Variants in GALNT17 observed in about 807,000 individuals in gnomAD.
The protein encoded by GALNT17 is UDP-GalNAc:polypeptide N-acetylgalactosaminyltransferase-like 3.
Under a neutral mutation model 63.7 loss-of-function variants are expected in GALNT17, and 29 were observed. The ratio of observed to expected loss-of-function variants is 0.46; its 90% CI spans 0.34 to 0.62. The LOEUF is 0.62. Ranked by LOEUF, GALNT17 falls within the 20% of genes least tolerant of loss-of-function variation. GALNT17 has a pLI of 0.01. For synonymous variants in GALNT17, 305 were observed against 318.3 expected (o/e 0.96, Z 0.45); for missense variants, 603 against 799.6 (o/e 0.75, Z 2.97).
chr7:71,669,129 C>T (rs34834506), intron 7 of GALNT17, among the ~76,000 whole-genome samples: 4,820 of 152,250 alleles, frequency 0.032, 82 homozygotes, highest in Middle Eastern at 0.065. Context: ...GATGGTTGAC[C>T]TGTCTGGGAC....
At chr7:71,200,250 C>T (rs1789141535) in intron 1 of GALNT17, among the ~76,000 whole-genome samples, 1 of 152,134 alleles carries the variant, frequency 6.6e-6, no homozygotes, top group African/African-American at 2.4e-5. Flanking sequence ...ATCAGTAAGT[C>T]TGGCCCGTGG....
chr7:71,309,741 G>T (rs1247236601), intron 1 of GALNT17, among the ~76,000 whole-genome samples: 1 of 152,108 alleles, frequency 6.6e-6, no homozygotes, highest in African/African-American at 2.4e-5. Flanking sequence ...TGAATTTGGG[G>T]TCATGTAAAT....
chr7:71,527,896 T>C (rs114341067), intron 5 of GALNT17, among the ~76,000 whole-genome samples: 283 of 152,314 alleles, frequency 1.9e-3, no homozygotes, highest in African/African-American at 6.5e-3. Context: ...ACAATCCTTC[T>C]GTATTTATCT....
At chr7:71,443,191 T>G (rs957611873) in intron 5 of GALNT17, among the ~76,000 whole-genome samples, 1 of 152,184 alleles carries the variant, frequency 6.6e-6, no homozygotes. Flanking sequence ...CAGGTTATTC[T>G]AGTTGAATAC....
intron 6 of GALNT17, among the ~76,000 whole-genome samples, chr7:71,621,295 T>G (rs1020474344): frequency 6.6e-6 from 1 of 152,180 alleles, no homozygotes; most frequent in Non-Finnish European, 1.5e-5. Context: ...GAAATACTTA[T>G]AGCTACTTCA....
chr7:71,448,146 C>T (rs1787191999), intron 5 of GALNT17, among the ~76,000 whole-genome samples: 1 of 152,222 alleles, frequency 6.6e-6, no homozygotes. Context: ...TTACTTCCAA[C>T]ATGGCTATTG....
rs201017844 is a variant in GALNT17, at chr7:71,712,124, C to G, written c.1775C>G (p.Thr592Ser). The change falls in exon 11 of 11, where the codon ACC becomes AGC. Residue 592 changes from threonine to serine, a missense_variant. By Grantham distance (58) the Thr-to-Ser change is moderately conservative (BLOSUM62 1). Transcript: ENST00000333538. ...CGCAGCTGCACAGGTCAGAGGTGGA[C>G]CATTAAGAACTCCATCAAGTAGAGG... is the stretch of plus-strand genomic sequence containing the variant. ...ILRSCTGQRW[T>S]IKNSIK is the part of the protein sequence containing the mutation. The G allele has an allele frequency of 6.2e-7, 1 of 1,613,590 alleles. No individual in the cohort carries two copies. Among genetic ancestry groups the G allele is most frequent in the East Asian group, 2.2e-5 (1 of 44,820 alleles).
At chr7:71,633,189 C>G (rs1790481627) in intron 6 of GALNT17, among the ~76,000 whole-genome samples, 1 of 151,444 alleles carries the variant, frequency 6.6e-6, no homozygotes, top group Non-Finnish European at 1.5e-5. Flanking sequence ...GAGAATGGCA[C>G]TGGGAAGGTG....
chr7:71,368,921 TG>T (rs112526210), intron 2 of GALNT17, among the ~76,000 whole-genome samples: 36,762 of 119,864 alleles, frequency 0.31, 4,938 homozygotes, highest in East Asian at 0.48. Context: ...TCCTCGGGGG[TG>T]GGGGGGGGTG....
rs773651456 is a variant in GALNT17, at chr7:71,335,723, C to T, written c.412C>T (p.Arg138Cys). ...ACTGGACCGTTCCATTCCGGATTAT[C>T]GTCCCACCAAGTAAGTTCTGGTTCA... is the stretch of plus-strand genomic sequence containing the variant. ...ISLDRSIPDY[R>C]PTKCKELKYS... The change falls in exon 2 of 11, where the codon CGT (arginine) becomes TGT (cysteine). Residue 138 changes from arginine to cysteine, a missense_variant. Coordinates refer to ENST00000333538, the MANE Select transcript of GALNT17 (RefSeq NM_022479.3). The T allele has an allele frequency of 1.9e-6, 3 of 1,602,214 alleles. No homozygotes were observed. Among genetic ancestry groups the T allele is most frequent in the South Asian group, 1.1e-5 (1 of 89,324 alleles).
intron 5 of GALNT17, among the ~76,000 whole-genome samples, chr7:71,527,503 G>C (rs1003656867): frequency 1.3e-5 from 2 of 152,160 alleles, no homozygotes; most frequent in African/African-American, 4.8e-5. Flanking sequence ...TTTCTGGCCT[G>C]ATTATCATCC....
intron 3 of GALNT17, among the ~76,000 whole-genome samples, chr7:71,399,227 C>T (rs1328190908): frequency 6.6e-6 from 1 of 152,122 alleles, no homozygotes; most frequent in Non-Finnish European, 1.5e-5. Flanking sequence ...GAATGAGATT[C>T]CATCCCCCCT....
chr7:71,209,858 A>G (rs1789342817), intron 1 of GALNT17, among the ~76,000 whole-genome samples: 1 of 152,160 alleles, frequency 6.6e-6, no homozygotes, highest in Non-Finnish European at 1.5e-5. Context: ...AGCAAGAGAA[A>G]ATGAGGAAGA....
chr7:71,642,669 C>T (rs1298611484), intron 6 of GALNT17, among the ~76,000 whole-genome samples: 2 of 152,068 alleles, frequency 1.3e-5, no homozygotes, highest in Non-Finnish European at 2.9e-5. Context: ...AATCCCGTCT[C>T]TACTAAAAAT....
At chr7:71,616,384 G>C (rs1790203457) in intron 6 of GALNT17, among the ~76,000 whole-genome samples, 1 of 151,476 alleles carries the variant, frequency 6.6e-6, no homozygotes, top group South Asian at 2.1e-4. Flanking sequence ...GAACTGGCCA[G>C]TCTTCTTCCT....
In GALNT17 at chr7:71,330,931, C is replaced by T. The variant is rs369652837; in HGVS notation, c.239-4619C>T. 1.9e-3 allele frequency among the ~76,000 whole-genome samples: 292 copies of T among 152,290 alleles called. 1 individual carries two copies. Among genetic ancestry groups the T allele is most frequent in the African/African-American group, 6.7e-3 (278 of 41,578 alleles). The stretch of plus-strand genomic sequence containing the variant: ...CCTTCTTGCTCCTGGGCTCTCCTCT[C>T]TGCACCCTCTGCCACGGCTCTAGCC... On this transcript the variant is annotated intron_variant, in intron 1 of 10. Coordinates refer to ENST00000333538, the MANE Select transcript of GALNT17 (RefSeq NM_022479.3).
At chr7:71,452,334 T>A (rs1787277337) in intron 5 of GALNT17, among the ~76,000 whole-genome samples, 1 of 151,726 alleles carries the variant, frequency 6.6e-6, no homozygotes, top group Non-Finnish European at 1.5e-5. Flanking sequence ...TCACTTGAGG[T>A]CAGGAGTCCG....
intron 5 of GALNT17, among the ~76,000 whole-genome samples, chr7:71,532,931 T>C (rs1269526222): frequency 6.6e-6 from 1 of 152,222 alleles, no homozygotes; most frequent in African/African-American, 2.4e-5. Context: ...TTCTTCATTT[T>C]TGGAGATGGA....
chr7:71,181,884 G>GA (rs11347622), intron 1 of GALNT17, among the ~76,000 whole-genome samples: 7 of 141,146 alleles, frequency 5.0e-5, no homozygotes, highest in South Asian at 4.6e-4. Flanking sequence ...CTCTTAAAAG[G>GA]AAAAAAAAAA....
Sources: gnomAD v4.1 joint callset for allele counts (sites outside exome capture counted in the v4.1 genomes callset) on GRCh38, gnomAD v4.1.1 for gene constraint, MANE v1.5 for transcripts, NCBI Gene and HGNC (gene_info 2026-07-23, HGNC 2026-07-21) for gene names.